The following PCDH9 variants were observed in gnomAD, a reference collection of about 807,000 sequenced individuals.
The protein encoded by PCDH9 is protocadherin 9, also known as protocadherin-9.
PCDH9 carries 24 observed loss-of-function variants against 70.6 expected under a neutral mutation model. That is an observed-to-expected ratio of 0.34 (90% CI 0.25 to 0.48). The LOEUF (loss-of-function observed/expected upper bound fraction) is 0.48. PCDH9 is among the 20% of genes least tolerant of loss of function. The pLI is 0.99. For missense variants in PCDH9, 1,281 were observed against 1,503.6 expected, an observed-to-expected ratio of 0.85 and a Z score of 2.45; for synonymous variants, 562 against 558.5, an observed-to-expected ratio of 1.01 and a Z score of -0.09.
chr13:66,479,544 C>G (rs1958799004), intron 4 of PCDH9, among the ~76,000 whole-genome samples: 1 of 152,174 alleles, frequency 6.6e-6, no homozygotes, highest in African/African-American at 2.4e-5. Flanking sequence ...GTGAAGCCAG[C>G]TGGACTTCCT....
At chr13:66,730,864 T>TG (rs201148717) in intron 3 of PCDH9, among the ~76,000 whole-genome samples, 1,955 of 121,948 alleles carry the variant, frequency 0.016, 20 homozygotes, top group African/African-American at 0.021. Flanking sequence ...TTTTGTTTTT[T>TG]TGTGTGTGTG....
chr13:66,558,097 G>A (rs1297150775), intron 4 of PCDH9, among the ~76,000 whole-genome samples: 1 of 152,164 alleles, frequency 6.6e-6, no homozygotes, highest in Non-Finnish European at 1.5e-5. Flanking sequence ...TGAGACTGCA[G>A]TGAGCTATGA....
intron 4 of PCDH9, among the ~76,000 whole-genome samples, chr13:66,380,536 C>CTTT (rs59830525): frequency 4.3e-4 from 23 of 53,394 alleles, no homozygotes; most frequent in East Asian, 1.3e-3. Context: ...AGATCTTGTC[C>CTTT]TTTTTTTTTT....
rs1961509325 is a variant in PCDH9, at chr13:66,551,990, CAG to C, written c.3340+79218_3340+79219del. On this transcript the variant is annotated intron_variant, in intron 4 of 4. Coordinates refer to ENST00000377865, the MANE Select transcript of PCDH9 (RefSeq NM_203487.3). ...AAAGCAAAATGAACCTCTTTGTGAA[CAG>C]GCTGAACACAAAGAATATTAATGTT... is the stretch of plus-strand genomic sequence containing the variant. Among the ~76,000 whole-genome samples the C allele has an allele frequency of 3.9e-5, 6 of 152,120 alleles. No individual in the cohort carries two copies. The South Asian group carries it at 1.2e-3, about 32-fold the overall frequency.
At chr13:66,647,269 C>T (rs9540851) in intron 3 of PCDH9, among the ~76,000 whole-genome samples, 9,717 of 152,138 alleles carry the variant, frequency 0.064, 388 homozygotes, top group Middle Eastern at 0.1. Flanking sequence ...GTACAGCTTG[C>T]GGCTCCAGGG....
At chr13:66,739,969 T>C (rs368924209) in intron 3 of PCDH9, among the ~76,000 whole-genome samples, 14 of 151,066 alleles carry the variant, frequency 9.3e-5, no homozygotes, top group South Asian at 6.4e-4. Flanking sequence ...AGGAATTGAA[T>C]TCAGCTCTGC....
At chr13:66,305,820 G>T (rs908145189) in intron 4 of PCDH9, among the ~76,000 whole-genome samples, 1 of 151,938 alleles carries the variant, frequency 6.6e-6, no homozygotes, top group Non-Finnish European at 1.5e-5. Flanking sequence ...AACATTCAGG[G>T]GGAAGAAAGT....
At chr13:66,894,609 C>A (rs1451715219) in intron 3 of PCDH9, among the ~76,000 whole-genome samples, 1 of 152,068 alleles carries the variant, frequency 6.6e-6, no homozygotes, top group Non-Finnish European at 1.5e-5. Flanking sequence ...TTTGGTGAAA[C>A]ACCAAACAAT....
chr13:66,588,685 A>C (rs1211626623), intron 4 of PCDH9, among the ~76,000 whole-genome samples: 1 of 152,002 alleles, frequency 6.6e-6, no homozygotes, highest in Non-Finnish European at 1.5e-5. Flanking sequence ...ATTCAGGATA[A>C]AATTCCTGAG....
chr13:67,191,159 T>C (rs1464769702), intron 2 of PCDH9, among the ~76,000 whole-genome samples: 1 of 152,162 alleles, frequency 6.6e-6, no homozygotes, highest in East Asian at 1.9e-4. Flanking sequence ...CTCTCTGAGC[T>C]TATAAGTTTT....
chr13:66,947,985 A>G (rs1049269866), intron 2 of PCDH9, among the ~76,000 whole-genome samples: 3 of 152,138 alleles, frequency 2.0e-5, no homozygotes, highest in African/African-American at 7.2e-5. Flanking sequence ...ATGTGGTAGA[A>G]AGAATTTTTT....
At chr13:67,157,004 A>C (rs1262566032) in intron 2 of PCDH9, among the ~76,000 whole-genome samples, 2 of 152,212 alleles carry the variant, frequency 1.3e-5, no homozygotes, top group Non-Finnish European at 2.9e-5. Flanking sequence ...CAGAGCGTTC[A>C]ACATCATCTG....
At chr13:66,746,498 A>G (rs768160553) in intron 3 of PCDH9, among the ~76,000 whole-genome samples, 1 of 152,178 alleles carries the variant, frequency 6.6e-6, no homozygotes, top group Admixed American at 6.5e-5. Context: ...GAACTACAAT[A>G]AAGAGAGAAA....
At chr13:67,193,677 T>A (rs554931722) in intron 2 of PCDH9, among the ~76,000 whole-genome samples, 1 of 152,218 alleles carries the variant, frequency 6.6e-6, no homozygotes, top group East Asian at 1.9e-4. Flanking sequence ...CTTAATTACT[T>A]CCTTCTAAGG....
intron 4 of PCDH9, among the ~76,000 whole-genome samples, chr13:66,305,554 GT>G (rs202008285): frequency 0.013 from 1,970 of 151,882 alleles, 54 homozygotes; most frequent in African/African-American, 0.046. Flanking sequence ...ATAAAATATT[GT>G]TTTTTTCTAC....
At chr13:66,405,025 C>T (rs1957255750) in intron 4 of PCDH9, among the ~76,000 whole-genome samples, 1 of 152,132 alleles carries the variant, frequency 6.6e-6, no homozygotes, top group African/African-American at 2.4e-5. Flanking sequence ...GTTTGCATCA[C>T]AGACACCTGA....
At chr13:66,794,057 GAAGAACTCCACT>G (rs1236972330) in intron 3 of PCDH9, among the ~76,000 whole-genome samples, 1 of 152,108 alleles carries the variant, frequency 6.6e-6, no homozygotes, top group African/African-American at 2.4e-5. Flanking sequence ...AAAGGTAACT[GAAGAACTCCACT>G]GTCATGTATA....
At chr13:66,771,623 C>G (rs1000010002) in intron 3 of PCDH9, among the ~76,000 whole-genome samples, 2 of 152,128 alleles carry the variant, frequency 1.3e-5, no homozygotes, top group Non-Finnish European at 2.9e-5. Context: ...ATAAATCGAC[C>G]TGCGGTGAGG....
chr13:66,973,849 G>T (rs557650212), intron 2 of PCDH9, among the ~76,000 whole-genome samples: 19 of 152,054 alleles, frequency 1.2e-4, no homozygotes, highest in African/African-American at 1.9e-4. Context: ...TTTCCCCAAG[G>T]TTTGTTAGCA....
Sources: gnomAD v4.1 joint callset for allele counts (sites outside exome capture counted in the v4.1 genomes callset) on GRCh38, gnomAD v4.1.1 for gene constraint, MANE v1.5 for transcripts, NCBI Gene and HGNC (gene_info 2026-07-23, HGNC 2026-07-21) for gene names.